The following FRAS1 variants were observed in gnomAD, a reference collection of about 807,000 sequenced individuals.
FRAS1 encodes Fraser extracellular matrix complex subunit 1.
A neutral mutation model predicts 435.2 loss-of-function variants in FRAS1; 290 were observed. The observed-to-expected ratio is 0.67, with a 90% CI of 0.61 to 0.73. The LOEUF is 0.73. Among genes scored for constraint, FRAS1 ranks in the 30% least tolerant of loss-of-function variants. The pLI, the probability that FRAS1 is intolerant of heterozygous loss-of-function variation, is 0.00. For synonymous variants in FRAS1, 1,800 were observed against 1,851.0 expected, an observed-to-expected ratio of 0.97 and a Z score of 0.71; for missense variants, 4,860 against 5,001.5, an observed-to-expected ratio of 0.97 and a Z score of 0.85.
chr4:78,387,442 A>G lies in FRAS1; in HGVS notation c.3716A>G (p.Gln1239Arg), dbSNP rs565612643. ...SRGERATITT[Q>R]MLDIRDDDNP... ...GGAGAGAGGGCAACCATCACCACCC[A>G]GATGCTTGACATCCGAGATGATGAC... Residue 1239 changes from glutamine to arginine, a missense_variant, in exon 29 of 74, where the codon CAG becomes CGG. Transcript: ENST00000512123. 1 of 1,613,812 alleles carries G rather than the reference A, an allele frequency of 6.2e-7. No homozygotes were observed. The highest frequency in any genetic ancestry group is 1.7e-5 in the Admixed American group (1 of 60,010).
chr4:78,391,647 G>T (rs1226124855), intron 29 of FRAS1, among the ~76,000 whole-genome samples: 1 of 151,826 alleles, frequency 6.6e-6, no homozygotes. Flanking sequence ...GAACTTCTTT[G>T]TTACTCTTTG....
Position 78,365,744 on chromosome 4 carries a change from A to C in FRAS1, c.2722+1690A>C, listed in dbSNP as rs548786686. Among the ~76,000 whole-genome samples the C allele has an allele frequency of 5.2e-3, 542 of 104,488 alleles. 2 individuals carry two copies. Among genetic ancestry groups the C allele is most frequent in the Admixed American group, 9.6e-3 (109 of 11,338 alleles). The allele number at this position is 104,488 out of a possible 152,430, so 68.5% of individuals were successfully genotyped here. On this transcript the variant is annotated intron_variant, in intron 22 of 73. Transcript: ENST00000512123. ...TTTGAGTTTCTAGTACATTAAAAAA[A>C]AAAAAACAAAAAAAAAAAACAGCCT...
chr4:78,436,837 T>C (rs1399574703), intron 38 of FRAS1, among the ~76,000 whole-genome samples: 1 of 152,156 alleles, frequency 6.6e-6, no homozygotes, highest in Non-Finnish European at 1.5e-5. Flanking sequence ...TTTAGGGTGA[T>C]GGGAGGCCCA....
chr4:78,311,846 T>A (rs1729037030), intron 15 of FRAS1, among the ~76,000 whole-genome samples: 1 of 152,202 alleles, frequency 6.6e-6, no homozygotes, highest in Non-Finnish European at 1.5e-5. Context: ...GTCTTGAAGT[T>A]TCCTATTCTA....
chr4:78,542,859 A>G lies in FRAS1; in HGVS notation c.*1735A>G, dbSNP rs894305722. 1 of 152,220 alleles carries G rather than the reference A, an allele frequency of 6.6e-6. No homozygotes were observed. Among genetic ancestry groups the G allele is most frequent in the African/African-American group, 2.4e-5 (1 of 41,452 alleles). The allele number at this position is 152,220 out of a possible 1,614,324, so 9.4% of individuals were successfully genotyped here. A position where few individuals can be genotyped will look rare whatever the true frequency, so the allele number is the denominator to read the frequency against. ...CAAGGGAGGAGAGAGGAAAACAATT[A>G]TCTTCTCTACTTGGATTATGAGATA... On this transcript the variant is annotated 3_prime_UTR_variant, in exon 74 of 74. Coordinates refer to ENST00000512123, the MANE Select transcript of FRAS1 (RefSeq NM_025074.7).
intron 2 of FRAS1, among the ~76,000 whole-genome samples, chr4:78,162,269 C>T (rs564358241): frequency 5.9e-5 from 9 of 152,154 alleles, no homozygotes; most frequent in Admixed American, 5.9e-4. Context: ...AACCAGTATA[C>T]GTGGGATATA....
rs145714963 is a variant in FRAS1, at chr4:78,407,592, G to A, written c.4130-71G>A. The A allele has an allele frequency of 6.4e-4, 794 of 1,249,704 alleles. 2 individuals are homozygous for A. The highest frequency in any genetic ancestry group is 7.9e-4 in the Non-Finnish European group (718 of 903,154). 77.4% of individuals were successfully genotyped at this position (1,249,704 alleles called of 1,614,324 possible). A position where few individuals can be genotyped will look rare whatever the true frequency, so the allele number is the denominator to read the frequency against. ...TTTCTAGTTAAAAAAAAAATGAGTA[G>A]TAGGAAAGGAGGTAAGGGCTCTGAC... On this transcript the variant is annotated intron_variant, in intron 30 of 73. Transcript: ENST00000512123.
At chr4:78,214,156 C>A (rs1723640189) in intron 2 of FRAS1, among the ~76,000 whole-genome samples, 1 of 152,204 alleles carries the variant, frequency 6.6e-6, no homozygotes, top group Admixed American at 6.5e-5. Context: ...GTAAAAATGT[C>A]TCCTTTCTTA....
Position 78,267,361 on chromosome 4 carries a change from G to C in FRAS1, c.910G>C (p.Glu304Gln), listed in dbSNP as rs1188121749. 1.2e-6 allele frequency: 2 copies of C among 1,613,906 alleles called. No individual in the cohort carries two copies. The highest frequency in any genetic ancestry group is 1.7e-5 in the Admixed American group (1 of 60,008). Reference sequence around the variant, plus strand: ...CGAAATGTGGAAGGGCTCGGCCTGTGAGTTCTGCATGTGTGATCATGGCCA... The same window carrying C: ...CGAAATGTGGAAGGGCTCGGCCTGTCAGTTCTGCATGTGTGATCATGGCCA... The part of the protein sequence containing the change: ...QDEMWKGSAC[E>Q]FCMCDHGQVT... The change falls in exon 9 of 74, where the codon GAG becomes CAG. Residue 304 changes from glutamate to glutamine, a missense_variant. Glu to Gln is a conservative substitution (Grantham distance 29, BLOSUM62 2). Coordinates refer to ENST00000512123, the MANE Select transcript of FRAS1 (RefSeq NM_025074.7).
In FRAS1 at chr4:78,466,310, A is replaced by G. The variant is rs7684722; in HGVS notation, c.7132A>G (p.Lys2378Glu). ...HFHLTSTFTMKDIYQNRVSYS... is the reference protein window; with the variant it reads ...HFHLTSTFTMEDIYQNRVSYS... ...CCACCTCACCTCCACCTTCACCATG[A>G]AAGATATCTACCAGAACCGGGTCAG... Residue 2378 changes from lysine (K) to glutamate (E), a missense_variant, in exon 50 of 74, where the codon AAA becomes GAA. Coordinates refer to ENST00000512123, the MANE Select transcript of FRAS1 (RefSeq NM_025074.7). 1,603,881 of 1,613,966 alleles carry G rather than the reference A, an allele frequency of 0.99. 797,199 individuals carry two copies. The highest frequency in any genetic ancestry group is 1 in the East Asian group (44,876 of 44,876).
chr4:78,156,032 A>G (rs889405247), intron 2 of FRAS1, among the ~76,000 whole-genome samples: 2 of 152,180 alleles, frequency 1.3e-5, no homozygotes, highest in Non-Finnish European at 2.9e-5. Flanking sequence ...ATCATGCTTG[A>G]TGATCGCTGA....
intron 5 of FRAS1, among the ~76,000 whole-genome samples, chr4:78,254,376 A>G (rs1252514041): frequency 6.6e-6 from 1 of 152,186 alleles, no homozygotes; most frequent in Non-Finnish European, 1.5e-5. Context: ...TTCCATTTCC[A>G]GCAATCCTTT....
At chr4:78,423,717 GCTTCCT>G (rs1214960761) in intron 34 of FRAS1, among the ~76,000 whole-genome samples, 1 of 152,128 alleles carries the variant, frequency 6.6e-6, no homozygotes, top group Non-Finnish European at 1.5e-5. Flanking sequence ...GTGGGTATAG[GCTTCCT>G]CTTTAGTGTC....
intron 29 of FRAS1, among the ~76,000 whole-genome samples, chr4:78,396,934 T>C (rs1227678213): frequency 6.6e-6 from 1 of 152,212 alleles, no homozygotes; most frequent in African/African-American, 2.4e-5. Flanking sequence ...TGAGTTTGTT[T>C]AGTCATCTAC....
At chr4:78,129,676 C>T (rs535828441) in intron 2 of FRAS1, among the ~76,000 whole-genome samples, 1 of 152,270 alleles carries the variant, frequency 6.6e-6, no homozygotes, top group Admixed American at 6.5e-5. Context: ...AAGGAAAATT[C>T]AGAACCCTGA....
In FRAS1 at chr4:78,432,561, G is replaced by C; in HGVS notation, c.5174G>C (p.Ser1725Thr). 6.2e-7 allele frequency: 1 copy of C among 1,610,188 alleles called. No homozygotes were observed. The highest frequency in any genetic ancestry group is 8.5e-7 in the Non-Finnish European group (1 of 1,177,882). Residue 1725 changes from serine (S) to threonine (T), a missense_variant, in exon 38 of 74, where the codon AGT (serine) becomes ACT (threonine). Physicochemically the swap from Ser to Thr is moderately conservative, Grantham distance 58. Transcript: ENST00000512123. ...AGSSLSITVA[S>T]KSTAIITRSH... is the part of the protein sequence containing the mutation. ...TCCTCTCTGAGCATTACTGTTGCCA[G>C]TAAAAGCACAGCCATAATCACTAGG...
chr4:78,263,467 G>C (rs537059000), intron 6 of FRAS1, among the ~76,000 whole-genome samples: 1 of 152,306 alleles, frequency 6.6e-6, no homozygotes, highest in Non-Finnish European at 1.5e-5. Context: ...TACAGTTCTT[G>C]AGTCTACTCC....
At position 78,438,865 on chromosome 4, in the gene FRAS1, G is replaced by A. The variant is rs372992206; in HGVS notation, c.5367-37G>A. 2.1e-5 allele frequency: 33 copies of A among 1,572,612 alleles called. No homozygotes were observed. In the African/African-American group the frequency reaches 3.0e-4, roughly 14 times the overall value. Reference sequence around the variant, plus strand: ...CTGCTGTCTTACCTGGCTTGTCATCGTGGCTTATTCATTTGATTCTTTTTG... The same window carrying A: ...CTGCTGTCTTACCTGGCTTGTCATCATGGCTTATTCATTTGATTCTTTTTG... On this transcript the variant is annotated intron_variant, in intron 39 of 73. Coordinates refer to ENST00000512123, the MANE Select transcript of FRAS1 (RefSeq NM_025074.7).
intron 2 of FRAS1, among the ~76,000 whole-genome samples, chr4:78,217,693 T>C (rs572879975): frequency 6.6e-6 from 1 of 152,180 alleles, no homozygotes; most frequent in East Asian, 1.9e-4. Context: ...TGAATAATTT[T>C]CCCCAGTACT....
Sources: allele counts gnomAD v4.1 joint callset (sites outside exome capture counted in the v4.1 genomes callset), GRCh38; gene constraint gnomAD v4.1.1; transcripts MANE v1.5; gene names NCBI Gene and HGNC (gene_info 2026-07-23, HGNC 2026-07-21).